The following CSMD3 variants were observed in gnomAD, a reference collection of about 807,000 sequenced individuals.
CSMD3 encodes CUB and Sushi multiple domains 3.
Under a neutral mutation model 435.2 loss-of-function variants are expected in CSMD3, and 177 were observed. The observed-to-expected ratio is 0.41, with a 90% CI of 0.36 to 0.46. The LOEUF (loss-of-function observed/expected upper bound fraction) is 0.46, where lower values mean the gene tolerates loss of function less well. Ranked by LOEUF, CSMD3 falls within the 20% of genes least tolerant of loss-of-function variation. The probability of loss-of-function intolerance (pLI) is 0.34; values close to 1 mark genes in which losing one functional copy is unlikely to be tolerated. For synonymous variants in CSMD3, 1,656 were observed against 1,520.5 expected, an observed-to-expected ratio of 1.09 and a Z score of -2.07; for missense variants, 4,265 against 4,504.6, an observed-to-expected ratio of 0.95 and a Z score of 1.52.
At chr8:112,688,197 G>C (rs1031041560) in intron 14 of CSMD3, among the ~76,000 whole-genome samples, 12 of 152,120 alleles carry the variant, frequency 7.9e-5, no homozygotes, top group African/African-American at 2.7e-4. Context: ...GCCATCTCCT[G>C]ATCTAAATGA....
At chr8:112,311,676 GCC>G (rs1821990556) in intron 49 of CSMD3, among the ~76,000 whole-genome samples, 2 of 152,250 alleles carry the variant, frequency 1.3e-5, no homozygotes, top group African/African-American at 4.8e-5. Flanking sequence ...ATTAAAGTGT[GCC>G]CATTCTGTCA....
At chr8:112,852,294 T>C (rs1267450566) in intron 11 of CSMD3, among the ~76,000 whole-genome samples, 1 of 152,176 alleles carries the variant, frequency 6.6e-6, no homozygotes, top group African/African-American at 2.4e-5. Context: ...TGACTTCAAG[T>C]TGAGTCCTAA....
At chr8:112,975,814 A>C in intron 7 of CSMD3, 23 bp downstream of exon 7, 1 of 1,612,142 alleles carries the variant, frequency 6.2e-7, no homozygotes, top group Non-Finnish European at 8.5e-7. Flanking sequence ...CTAAATGGGC[A>C]CAAGTAAAAT....
Position 112,380,261 on chromosome 8 carries a change from T to C in CSMD3, c.6136+91A>G, listed in dbSNP as rs1323756659. 3.7e-5 allele frequency: 24 copies of C among 656,808 alleles called. No individual in the cohort carries two copies. In the East Asian group the frequency reaches 6.8e-4, roughly 19 times the overall value. 40.7% of individuals were successfully genotyped at this position (656,808 alleles called of 1,614,324 possible). On this transcript the variant is annotated intron_variant, in intron 38 of 70. Coordinates refer to ENST00000297405, the MANE Select transcript of CSMD3 (RefSeq NM_198123.2). ...TAAGACAATGTTTTCTTTGAGAAAG[T>C]TGCTATAATATGTACATATCAACAA...
At chr8:112,273,468 G>A (rs566839598) in intron 59 of CSMD3, among the ~76,000 whole-genome samples, 3 of 152,042 alleles carry the variant, frequency 2.0e-5, no homozygotes, top group Non-Finnish European at 4.4e-5. Flanking sequence ...GCTCACACCT[G>A]TAATCCCAGC....
At chr8:112,727,332 T>A (rs1407040151) in intron 13 of CSMD3, among the ~76,000 whole-genome samples, 1 of 151,850 alleles carries the variant, frequency 6.6e-6, no homozygotes, top group East Asian at 1.9e-4. Flanking sequence ...GCTATAGATA[T>A]GAGATTATGA....
In CSMD3 at chr8:112,301,768, A is replaced by G; in HGVS notation, c.8440+25T>C. ...AGGGTGAGGGGCAGGGGGAAGTTTGACAAAAACAAATTAAAAATCTGTACC... is the reference window on the plus strand; with the variant it reads ...AGGGTGAGGGGCAGGGGGAAGTTTGGCAAAAACAAATTAAAAATCTGTACC... On this transcript the variant is annotated intron_variant, in intron 53 of 70. Coordinates refer to ENST00000297405, the MANE Select transcript of CSMD3 (RefSeq NM_198123.2). The G allele has an allele frequency of 1.2e-6, 2 of 1,602,006 alleles. 1 individual carries two copies. The highest frequency in any genetic ancestry group is 2.2e-5 in the South Asian group (2 of 90,804).
intron 3 of CSMD3, among the ~76,000 whole-genome samples, chr8:113,237,817 C>T (rs1444289852): frequency 6.6e-6 from 1 of 152,128 alleles, no homozygotes; most frequent in Non-Finnish European, 1.5e-5. Flanking sequence ...TAGCTCATGC[C>T]TGTAATCCCA....
intron 23 of CSMD3, among the ~76,000 whole-genome samples, chr8:112,576,066 AATTG>A (rs1157006281): frequency 1.8e-5 from 1 of 56,418 alleles, no homozygotes; most frequent in East Asian, 1.2e-3. Context: ...AAATACAATC[AATTG>A]TTTCTTGGAT....
chr8:112,449,930 G>A (rs1816072006), intron 32 of CSMD3, among the ~76,000 whole-genome samples: 2 of 152,022 alleles, frequency 1.3e-5, no homozygotes, highest in African/African-American at 4.8e-5. Context: ...TGCCATGTTG[G>A]CCAGGCTGGT....
chr8:113,298,979 T>C (rs1054690776), intron 2 of CSMD3, among the ~76,000 whole-genome samples: 2 of 152,188 alleles, frequency 1.3e-5, no homozygotes, highest in Non-Finnish European at 2.9e-5. Context: ...ATTGAATACA[T>C]ATTAATTTTT....
At chr8:112,620,112 T>A (rs1042357150) in intron 22 of CSMD3, among the ~76,000 whole-genome samples, 2 of 152,050 alleles carry the variant, frequency 1.3e-5, no homozygotes, top group Admixed American at 1.3e-4. Context: ...AAATCCAGAA[T>A]GTGGAATATT....
At chr8:112,886,863 T>C (rs2081613550) in intron 10 of CSMD3, among the ~76,000 whole-genome samples, 1 of 151,684 alleles carries the variant, frequency 6.6e-6, no homozygotes, top group South Asian at 2.1e-4. Context: ...GCTATATAAA[T>C]AATTGTTATA....
At chr8:113,279,789 A>G (rs1490690620) in intron 2 of CSMD3, among the ~76,000 whole-genome samples, 1 of 151,758 alleles carries the variant, frequency 6.6e-6, no homozygotes, top group Non-Finnish European at 1.5e-5. Context: ...CTCAGTTATG[A>G]GTCTAATTAG....
intron 6 of CSMD3, among the ~76,000 whole-genome samples, chr8:112,981,589 T>C (rs973560302): frequency 3.3e-5 from 5 of 151,652 alleles, no homozygotes; most frequent in Non-Finnish European, 5.9e-5. Context: ...AAATAAATAA[T>C]ATATTTGCAA....
intron 5 of CSMD3, among the ~76,000 whole-genome samples, chr8:113,086,379 A>G (rs1015629637): frequency 2.6e-5 from 4 of 152,144 alleles, no homozygotes; most frequent in Non-Finnish European, 5.9e-5. Flanking sequence ...ACGTTTTGTA[A>G]TTTATCATTC....
At chr8:113,035,984 T>A (rs2087334052) in intron 5 of CSMD3, among the ~76,000 whole-genome samples, 1 of 151,986 alleles carries the variant, frequency 6.6e-6, no homozygotes, top group South Asian at 2.1e-4. Flanking sequence ...CTATTGCTTA[T>A]AACAAATTTT....
At chr8:112,584,687 C>CA (rs1830584400) in intron 23 of CSMD3, among the ~76,000 whole-genome samples, 2 of 151,534 alleles carry the variant, frequency 1.3e-5, no homozygotes, top group South Asian at 4.2e-4. Flanking sequence ...AGTGTCATTC[C>CA]AAAAAATATA....
chr8:112,458,209 T>A (rs5004571), intron 32 of CSMD3, among the ~76,000 whole-genome samples: 30 of 68,342 alleles, frequency 4.4e-4, no homozygotes, highest in South Asian at 4.3e-3. Context: ...ACACACACAC[T>A]CACACCCACA....
Sources: gnomAD v4.1 joint callset for allele counts (sites outside exome capture counted in the v4.1 genomes callset) on GRCh38, gnomAD v4.1.1 for gene constraint, MANE v1.5 for transcripts, NCBI Gene and HGNC (gene_info 2026-07-23, HGNC 2026-07-21) for gene names.